The following PCDH15 variants were observed in gnomAD, a reference collection of about 807,000 sequenced individuals.
PCDH15 encodes protocadherin-15.
A neutral mutation model predicts 178.5 loss-of-function variants in PCDH15; 129 were observed. The ratio of observed to expected loss-of-function variants is 0.72; its 90% CI spans 0.63 to 0.84. The LOEUF (loss-of-function observed/expected upper bound fraction) is 0.84, where lower values mean the gene tolerates loss of function less well. Ranked by LOEUF, PCDH15 falls within the 40% of genes least tolerant of loss-of-function variation. The probability of loss-of-function intolerance (pLI) is 0.00; values close to 1 mark genes in which losing one functional copy is unlikely to be tolerated. For missense variants in PCDH15, 2,230 were observed against 2,099.9 expected, an observed-to-expected ratio of 1.06 and a Z score of -1.21; for synonymous variants, 800 against 732.0, an observed-to-expected ratio of 1.09 and a Z score of -1.50.
chr10:55,590,542 T>G (rs1471269981), intron 2 of PCDH15, among the ~76,000 whole-genome samples: 2 of 152,182 alleles, frequency 1.3e-5, no homozygotes, highest in Non-Finnish European at 2.9e-5. Flanking sequence ...TTTTGTAGAC[T>G]TATATGCTTC....
intron 23 of PCDH15, among the ~76,000 whole-genome samples, chr10:53,957,107 T>G (rs1416343733): frequency 6.6e-6 from 1 of 152,204 alleles, no homozygotes; most frequent in Non-Finnish European, 1.5e-5. Context: ...AATGAAAACC[T>G]AGAGAAACAG....
At position 54,378,937 on chromosome 10, in the gene PCDH15, T is replaced by C. The variant is rs762938008; in HGVS notation, c.163A>G (p.Ile55Val). The stretch of plus-strand genomic sequence containing the variant: ...TTGATCAGCATGTTGTCCACCAGAA[T>C]TGTACCTGCAAACCAAAGAAAGGTA... ...AIDEESRNGT[I>V]LVDNMLIKGT... The change falls in exon 4 of 38, where the codon ATT becomes GTT. Residue 55 changes from isoleucine (I) to valine (V), a missense_variant. Transcript: ENST00000644397. The C allele has an allele frequency of 1.9e-6, 3 of 1,613,728 alleles. No individual in the cohort carries two copies. Among genetic ancestry groups the C allele is most frequent in the Middle Eastern group, 1.7e-4 (1 of 6,052 alleles).
intron 8 of PCDH15, among the ~76,000 whole-genome samples, chr10:54,246,261 G>C (rs1237679216): frequency 6.6e-6 from 1 of 151,856 alleles, no homozygotes; most frequent in East Asian, 1.9e-4. Context: ...TAATCACACT[G>C]TGATCAAGAA....
chr10:55,169,371 G>A (rs577033898), intron 1 of PCDH15, among the ~76,000 whole-genome samples: 1 of 152,092 alleles, frequency 6.6e-6, no homozygotes, highest in African/African-American at 2.4e-5. Context: ...TTTAAAAAAT[G>A]TGTTATTCAT....
At chr10:54,382,062 C>T (rs1019920625) in intron 3 of PCDH15, among the ~76,000 whole-genome samples, 8 of 152,190 alleles carry the variant, frequency 5.3e-5, no homozygotes, top group East Asian at 3.9e-4. Context: ...CAATCACAAT[C>T]GTGTTAAAAA....
chr10:55,027,927 G>A (rs1442660965), intron 2 of PCDH15, among the ~76,000 whole-genome samples: 1 of 151,602 alleles, frequency 6.6e-6, no homozygotes, highest in Non-Finnish European at 1.5e-5. Flanking sequence ...TAAGTATTGG[G>A]GAGGAAAAAT....
chr10:54,976,477 G>A (rs1044921419), intron 2 of PCDH15, among the ~76,000 whole-genome samples: 7 of 152,166 alleles, frequency 4.6e-5, no homozygotes, highest in Non-Finnish European at 2.9e-5. Context: ...GGGAAAGGGT[G>A]CTGCTGATTG....
chr10:54,795,089 T>A (rs1351676860), intron 1 of PCDH15, among the ~76,000 whole-genome samples: 1 of 151,864 alleles, frequency 6.6e-6, no homozygotes, highest in Non-Finnish European at 1.5e-5. Flanking sequence ...ATGATATTTC[T>A]CCCATCTTTT....
chr10:55,226,089 A>G (rs1361494974), intron 1 of PCDH15, among the ~76,000 whole-genome samples: 1 of 152,102 alleles, frequency 6.6e-6, no homozygotes, highest in Admixed American at 6.5e-5. Context: ...CTCTTATCAA[A>G]TCAAACTATG....
chr10:54,862,643 G>A (rs1038677367), intron 3 of PCDH15, among the ~76,000 whole-genome samples: 1 of 152,160 alleles, frequency 6.6e-6, no homozygotes, highest in East Asian at 1.9e-4. Context: ...GGGTTGAGTA[G>A]ATTCTGACTC....
At chr10:54,209,404 T>G (rs2051165696) in intron 10 of PCDH15, among the ~76,000 whole-genome samples, 1 of 152,056 alleles carries the variant, frequency 6.6e-6, no homozygotes, top group South Asian at 2.1e-4. Context: ...TTGCAGTAGA[T>G]GAGCAGAGTT....
intron 26 of PCDH15, among the ~76,000 whole-genome samples, chr10:53,902,977 G>T (rs755486108): frequency 3.3e-5 from 5 of 152,030 alleles, no homozygotes; most frequent in Non-Finnish European, 5.9e-5. Flanking sequence ...ATTAAGAAAA[G>T]ATATACATTT....
At chr10:54,060,340 A>G (rs1176000518) in intron 18 of PCDH15, among the ~76,000 whole-genome samples, 1 of 152,234 alleles carries the variant, frequency 6.6e-6, no homozygotes, top group African/African-American at 2.4e-5. Flanking sequence ...TGGTAATATT[A>G]GGCAAATGCA....
chr10:55,575,858 A>G (rs1842488475), intron 2 of PCDH15: 1 of 152,184 alleles, frequency 6.6e-6, no homozygotes, highest in African/African-American at 2.4e-5. Context: ...TCATTCATTC[A>G]GAAAGAACAA....
At chr10:54,621,849 CG>C (rs1225301247) in intron 2 of PCDH15, among the ~76,000 whole-genome samples, 2 of 151,726 alleles carry the variant, frequency 1.3e-5, no homozygotes, top group Non-Finnish European at 2.9e-5. Flanking sequence ...GAAAATGAAA[CG>C]GTATTTGTCA....
At chr10:54,087,069 A>G (rs1201090575) in intron 16 of PCDH15, among the ~76,000 whole-genome samples, 1 of 152,124 alleles carries the variant, frequency 6.6e-6, no homozygotes, top group African/African-American at 2.4e-5. Flanking sequence ...AAAAACAGGA[A>G]TAGAAATTCT....
intron 3 of PCDH15, among the ~76,000 whole-genome samples, chr10:54,390,242 A>G (rs1472873659): frequency 6.6e-6 from 1 of 152,142 alleles, no homozygotes; most frequent in Non-Finnish European, 1.5e-5. Context: ...ACTCCCATGC[A>G]TGATTTCTAG....
At chr10:53,913,640 A>T (rs1273948937) in intron 25 of PCDH15, among the ~76,000 whole-genome samples, 2 of 151,634 alleles carry the variant, frequency 1.3e-5, no homozygotes, top group Non-Finnish European at 2.9e-5. Flanking sequence ...GCTACTCGGG[A>T]GGCTGAGGCA....
chr10:54,988,535 A>G (rs1839425809), intron 2 of PCDH15, among the ~76,000 whole-genome samples: 2 of 152,170 alleles, frequency 1.3e-5, no homozygotes, highest in South Asian at 2.1e-4. Context: ...AAATGAGGAA[A>G]TTTCTGGGAA....
Sources: allele counts gnomAD v4.1 joint callset (sites outside exome capture counted in the v4.1 genomes callset), GRCh38; gene constraint gnomAD v4.1.1; transcripts MANE v1.5; gene names NCBI Gene and HGNC (gene_info 2026-07-23, HGNC 2026-07-21).